The following GZMM variants were observed in gnomAD, a reference collection of about 807,000 sequenced individuals.
The protein encoded by GZMM is granzyme M, also known as HU-Met-1.
A neutral mutation model predicts 19.2 loss-of-function variants in GZMM; 23 were observed. The observed-to-expected ratio is 1.20, with a 90% CI of 0.86 to 1.69. GZMM has a LOEUF of 1.69. GZMM is among the 40% of genes most tolerant of loss of function. The probability of loss-of-function intolerance (pLI) is 0.00; values close to 1 mark genes in which losing one functional copy is unlikely to be tolerated. For synonymous variants in GZMM, 178 were observed against 160.2 expected, an observed-to-expected ratio of 1.11 and a Z score of -0.84; for missense variants, 373 against 352.2, an observed-to-expected ratio of 1.06 and a Z score of -0.47.
chr19:544,460 G>A (rs1287842796), intron 1 of GZMM, among the ~76,000 whole-genome samples: 1 of 146,646 alleles, frequency 6.8e-6, no homozygotes, highest in Non-Finnish European at 1.5e-5. Context: ...TGCCCAGCTG[G>A]GAGGGCAGAG....
At chr19:545,484 A>G (rs1980241631) in intron 1 of GZMM, among the ~76,000 whole-genome samples, 2 of 152,096 alleles carry the variant, frequency 1.3e-5, no homozygotes, top group Middle Eastern at 3.4e-3. Flanking sequence ...AGTAGCTGGG[A>G]TTACAGGCGC....
intron 1 of GZMM, among the ~76,000 whole-genome samples, chr19:544,723 T>TCCCTCATCTC (rs1980193384): frequency 4.5e-5 from 3 of 66,754 alleles, no homozygotes; most frequent in Non-Finnish European, 9.1e-5. Flanking sequence ...CCTCCCTCCC[T>TCCCTCATCTC]CCCTCCCTCC....
Position 549,630 on chromosome 19 carries a change from G to C in GZMM, c.613G>C (p.Gly205Arg). The change falls in exon 5 of 5, where the codon GGT (glycine) becomes CGT (arginine). Residue 205 changes from glycine (G) to arginine (R), a missense_variant and splice_region_variant. By Grantham distance (125) the Gly-to-Arg change is moderately radical. Transcript: ENST00000264553. ...GAGCTGCGGTGTGTCGTCCCTGCAG[G>C]GTGACTCGGGCGGGCCCCTGGTGTG... ...ADSKDQAPCK[G>R]DSGGPLVCGK... is the part of the protein sequence containing the mutation. 1.2e-6 allele frequency: 2 copies of C among 1,611,050 alleles called. No homozygotes were observed. The highest frequency in any genetic ancestry group is 1.7e-6 in the Non-Finnish European group (2 of 1,179,684).
At chr19:546,074 C>T (rs1980270504) in intron 1 of GZMM, among the ~76,000 whole-genome samples, 1 of 151,866 alleles carries the variant, frequency 6.6e-6, no homozygotes, top group African/African-American at 2.4e-5. Flanking sequence ...GCCACTGCAC[C>T]GGCCCGCAAG....
At chr19:547,474 AATCC>A (rs1980333757) in intron 2 of GZMM, 38 bp downstream of exon 2, 2 of 1,337,690 alleles carry the variant, frequency 1.5e-6, no homozygotes, top group Non-Finnish European at 1.9e-6. Flanking sequence ...GGGTCCGGGG[AATCC>A]ATCCGACGGC....
intron 1 of GZMM, among the ~76,000 whole-genome samples, chr19:545,485 T>C (rs543036981): frequency 3.9e-5 from 6 of 152,068 alleles, no homozygotes; most frequent in African/African-American, 4.8e-5. Flanking sequence ...GTAGCTGGGA[T>C]TACAGGCGCC....
At chr19:547,948 A>G (rs535400271) in intron 2 of GZMM, among the ~76,000 whole-genome samples, 7 of 152,158 alleles carry the variant, frequency 4.6e-5, no homozygotes, top group Non-Finnish European at 1.0e-4. Flanking sequence ...GCCCAGATCA[A>G]GATGGTCAAA....
rs200360663 is a variant in GZMM at position 547,327 on chromosome 19, C to A, written c.103C>A (p.His35Asn). Residue 35 changes from histidine (H) to asparagine (N), a missense_variant, in exon 2 of 5, where the codon CAC becomes AAC. His to Asn is a moderately conservative substitution (Grantham distance 68, BLOSUM62 1). Transcript: ENST00000264553. ...QIIGGREVIP[H>N]SRPYMASLQR... ...CATCGGGGGCCGGGAGGTGATCCCCCACTCGCGCCCGTACATGGCCTCACT... is the reference window on the plus strand; with the variant it reads ...CATCGGGGGCCGGGAGGTGATCCCCAACTCGCGCCCGTACATGGCCTCACT... 3.2e-6 allele frequency: 5 copies of A among 1,575,964 alleles called. No individual in the cohort carries two copies. The East Asian group carries it at 9.8e-5, about 31-fold the overall frequency.
At chr19:548,453 G>A in intron 2 of GZMM, 89 bp from the exon 3 acceptor site, 8 of 1,351,030 alleles carry the variant, frequency 5.9e-6, no homozygotes, top group Non-Finnish European at 7.2e-6. Context: ...GATGGCCATG[G>A]ACAACGGGCA....
chr19:549,570 C>G, intron 4 of GZMM, 60 bp from the exon 5 acceptor site: 2 of 1,540,274 alleles, frequency 1.3e-6, no homozygotes, highest in Non-Finnish European at 1.7e-6. Flanking sequence ...TCGGCGGGCC[C>G]TGCTCCCCTC....
chr19:546,295 T>C (rs999330778), intron 1 of GZMM, among the ~76,000 whole-genome samples: 3 of 152,130 alleles, frequency 2.0e-5, no homozygotes, highest in African/African-American at 7.2e-5. Flanking sequence ...TCCCAGCACT[T>C]TGGGAGGCCA....
intron 1 of GZMM, among the ~76,000 whole-genome samples, chr19:545,604 C>T (rs1014939067): frequency 3.3e-5 from 5 of 152,010 alleles, no homozygotes; most frequent in Admixed American, 1.3e-4. Context: ...GCCTCGGCCT[C>T]CCAAAGCGCT....
chr19:548,758 C>A (rs562217886), intron 3 of GZMM, 81 bp downstream of exon 3: 12 of 1,212,552 alleles, frequency 9.9e-6, no homozygotes, highest in East Asian at 2.5e-5. Flanking sequence ...GCCCTCCCCC[C>A]GCTGCCGACC....
chr19:544,402 T>C (rs1188628390), intron 1 of GZMM, among the ~76,000 whole-genome samples: 1 of 151,962 alleles, frequency 6.6e-6, no homozygotes, highest in Non-Finnish European at 1.5e-5. Flanking sequence ...ACACCCGAGG[T>C]GCAGAGTAGG....
chr19:547,166 A>G, intron 1 of GZMM, 114 bp from the exon 2 acceptor site: 1 of 1,008,554 alleles, frequency 9.9e-7, no homozygotes, highest in Non-Finnish European at 1.4e-6. Context: ...TGGGGACTTC[A>G]TTAGGATGGC....
In GZMM at chr19:547,302, C is replaced by A; in HGVS notation, c.78C>A (p.Ile26=). Residue 26 remains isoleucine, a synonymous_variant, in exon 2 of 5, where the codon ATC becomes ATA. Coordinates refer to ENST00000264553, the MANE Select transcript of GZMM (RefSeq NM_005317.4). ...LSVGSSFGTQ[I]IGGREVIPHS... ...CAGGCAGCTCCTTTGGGACCCAGATCATCGGGGGCCGGGAGGTGATCCCCC... is the reference window on the plus strand; with the variant it reads ...CAGGCAGCTCCTTTGGGACCCAGATAATCGGGGGCCGGGAGGTGATCCCCC... The A allele has an allele frequency of 6.4e-7, 1 of 1,552,284 alleles. No homozygotes were observed. Among genetic ancestry groups the A allele is most frequent in the Non-Finnish European group, 8.7e-7 (1 of 1,150,808 alleles).
intron 2 of GZMM, 79 bp downstream of exon 2, chr19:547,515 TGG>T: frequency 8.6e-7 from 1 of 1,168,796 alleles, no homozygotes; most frequent in Non-Finnish European, 1.1e-6. Context: ...GGGTGGGCTC[TGG>T]GAGATTTAGG....
intron 2 of GZMM, among the ~76,000 whole-genome samples, chr19:547,834 C>G (rs1352499928): frequency 1.3e-5 from 2 of 152,174 alleles, no homozygotes; most frequent in Non-Finnish European, 2.9e-5. Flanking sequence ...TCGAAGCCGG[C>G]CTTCGAGAGT....
chr19:546,366 C>G (rs1242388919), intron 1 of GZMM, among the ~76,000 whole-genome samples: 1 of 151,528 alleles, frequency 6.6e-6, no homozygotes, highest in Non-Finnish European at 1.5e-5. Context: ...CGGCGAAACC[C>G]TGTCGCTACT....
Sources: gnomAD v4.1 joint callset for allele counts (sites outside exome capture counted in the v4.1 genomes callset) on GRCh38, gnomAD v4.1.1 for gene constraint, MANE v1.5 for transcripts, NCBI Gene and HGNC (gene_info 2026-07-23, HGNC 2026-07-21) for gene names.